CGGBP1: variants seen among roughly 807,000 people sequenced by gnomAD.
CGGBP1 encodes the protein CGG triplet repeat-binding protein 1.
In CGGBP1, 4 loss-of-function variants were observed where a neutral mutation model predicts 11.4. The ratio of observed to expected loss-of-function variants is 0.35; its 90% confidence interval spans 0.17 to 0.80. The LOEUF is 0.80. Among genes scored for constraint, CGGBP1 ranks in the 30% least tolerant of loss-of-function variants. CGGBP1 has a pLI of 0.52. For synonymous variants in CGGBP1, 76 were observed against 74.1 expected, an observed-to-expected ratio of 1.03 and a Z score of -0.13; for missense variants, 135 against 202.1, an observed-to-expected ratio of 0.67 and a Z score of 2.01.
In CGGBP1 at chr3:88,135,429, C is replaced by G. The variant is rs1392700075; in HGVS notation, c.-229+5541G>C. 3 of 324,236 alleles carry G rather than the reference C, an allele frequency of 9.3e-6. No individual in the cohort carries two copies. In the East Asian group the frequency reaches 1.4e-4, roughly 15 times the overall value. 20.1% of individuals were successfully genotyped at this position (324,236 alleles called of 1,614,324 possible). A position where few individuals can be genotyped will look rare whatever the true frequency, so the allele number is the denominator to read the frequency against. Reference sequence around the variant, plus strand: ...AACATGGAAGCAATTGCTTCCATTACAACCTTTTTTCTTATAATTAAATAT... The same window carrying G: ...AACATGGAAGCAATTGCTTCCATTAGAACCTTTTTTCTTATAATTAAATAT... On this transcript the variant is annotated intron_variant, in intron 2 of 3. Transcript: ENST00000462901.
At chr3:88,120,820 T>G (rs1480564495) in intron 2 of CGGBP1, among the ~76,000 whole-genome samples, 1 of 151,998 alleles carries the variant, frequency 6.6e-6, no homozygotes, top group African/African-American at 2.4e-5. Context: ...TTAGTGTGAT[T>G]ATAGCGTATT....
chr3:88,063,433 T>C (rs541995669), upstream of CGGBP1, among the ~76,000 whole-genome samples: 247 of 152,292 alleles, frequency 1.6e-3, no homozygotes, highest in Middle Eastern at 0.017. Context: ...GTTTGTCCCA[T>C]GGTATTATAA....
intron 2 of CGGBP1, chr3:88,139,108 A>G: frequency 7.9e-7 from 1 of 1,267,264 alleles, no homozygotes; most frequent in Non-Finnish European, 9.9e-7. Context: ...AGCACACTGG[A>G]AAATAATGCA....
At chr3:88,059,223 A>C, upstream of CGGBP1, 1 of 1,489,092 alleles carries the variant, frequency 6.7e-7, no homozygotes, top group Non-Finnish European at 8.9e-7. Flanking sequence ...GGAGGAGGGA[A>C]GGGGGAGGGA....
chr3:88,058,122 C>T lies in CGGBP1; in HGVS notation c.-229G>A, dbSNP rs568375076. ...CCTGGCACTTTCCGTTTGTTCAACC[C>T]CGGAGATGCCTTCAAATCAGTTTTT... On this transcript the variant is annotated 5_prime_UTR_variant, in exon 2 of 4. Coordinates refer to ENST00000482016, the MANE Select transcript of CGGBP1 (RefSeq NM_001008390.2). The T allele has an allele frequency of 3.7e-4, 57 of 152,304 alleles. 1 individual carries two copies. The highest frequency in any genetic ancestry group is 2.6e-3 in the Admixed American group (40 of 15,296). The allele number at this position is 152,304 out of a possible 1,614,324, so 9.4% of individuals were successfully genotyped here. A position where few individuals can be genotyped will look rare whatever the true frequency, so the allele number is the denominator to read the frequency against.
Position 88,055,539 on chromosome 3 carries a change from T to C in CGGBP1, c.438A>G (p.Leu146=), listed in dbSNP as rs766185740. 4.4e-6 allele frequency: 7 copies of C among 1,584,420 alleles called. No homozygotes were observed. In the Admixed American group the frequency reaches 6.9e-5, roughly 16 times the overall value. ...ATCCATCAGGAAGATATGCCCTCCG[T>C]AGCTGGTCTGACTTAGGTATGGAGC... ...NGGSIPKSDQ[L]RRAYLPDGYE... Residue 146 remains leucine, a synonymous_variant, in exon 4 of 4, where the codon CTA becomes CTG. Coordinates refer to ENST00000482016, the MANE Select transcript of CGGBP1 (RefSeq NM_001008390.2). This position sits in a 1 kb window ranked among gnomAD's most constrained non-coding sequence, Gnocchi z 4.2.
chr3:88,120,790 A>G (rs1705721701), intron 2 of CGGBP1, among the ~76,000 whole-genome samples: 2 of 120,208 alleles, frequency 1.7e-5, no homozygotes, highest in African/African-American at 5.6e-5. Flanking sequence ...TTTAAATTCA[A>G]CAGTATAAAG....
intron 2 of CGGBP1, among the ~76,000 whole-genome samples, chr3:88,103,850 T>G (rs534311561): frequency 6.8e-6 from 1 of 147,996 alleles, no homozygotes; most frequent in South Asian, 2.2e-4. Context: ...CACTGCAACC[T>G]CTGCCTCTCG....
At chr3:88,134,335 T>C (rs1303722727) in intron 2 of CGGBP1, among the ~76,000 whole-genome samples, 2 of 152,102 alleles carry the variant, frequency 1.3e-5, no homozygotes, top group Admixed American at 1.3e-4. Context: ...TTTTCATTAA[T>C]TATTTTAATA....
intron 2 of CGGBP1, among the ~76,000 whole-genome samples, chr3:88,075,357 T>G (rs1209267468): frequency 6.6e-6 from 1 of 152,236 alleles, no homozygotes; most frequent in Non-Finnish European, 1.5e-5. Flanking sequence ...CAAGGCATTT[T>G]TAGTCTTGTG....
upstream of CGGBP1, chr3:88,059,245 G>A: frequency 6.6e-7 from 1 of 1,526,256 alleles, no homozygotes; most frequent in South Asian, 1.2e-5. Flanking sequence ...CTAGAGAGGA[G>A]GAGGAGGTTA....
chr3:88,101,427 A>T (rs932176180), intron 2 of CGGBP1, among the ~76,000 whole-genome samples: 5 of 152,224 alleles, frequency 3.3e-5, no homozygotes, highest in African/African-American at 9.7e-5. Flanking sequence ...ATTTAAAAAT[A>T]GTCTTGCGAA....
At chr3:88,093,536 T>C in intron 2 of CGGBP1, among the ~76,000 whole-genome samples, 1 of 152,174 alleles carries the variant, frequency 6.6e-6, no homozygotes, top group East Asian at 1.9e-4. Context: ...AAATGGTGTA[T>C]TGGCAAGCTG....
intron 3 of CGGBP1, 53 bp downstream of exon 3, chr3:88,057,138 A>C (rs781415813): frequency 6.6e-6 from 1 of 152,202 alleles, no homozygotes; most frequent in Non-Finnish European, 1.5e-5. Context: ...GCTCTGAAGA[A>C]TTATGTCTCA....
chr3:88,149,297 T>C lies in CGGBP1; in HGVS notation c.-338+414A>G, dbSNP rs73844896. ...AGGGGAAAAGGCTAAGGAGCTTGCT[T>C]ACAGTCAGGGTAAATGGCGGAGTAA... is the stretch of plus-strand genomic sequence containing the variant. On this transcript the variant is annotated intron_variant, in intron 1 of 3. Transcript: ENST00000462901. Among the ~76,000 whole-genome samples the C allele has an allele frequency of 3.0e-3, 461 of 152,178 alleles. 3 individuals are homozygous for C. Among genetic ancestry groups the C allele is most frequent in the African/African-American group, 0.011 (443 of 41,524 alleles).
chr3:88,113,053 T>C, intron 2 of CGGBP1: 1 of 1,174,698 alleles, frequency 8.5e-7, no homozygotes, highest in South Asian at 1.4e-5. Context: ...TACTGTTTGA[T>C]AATCTTTTAA....
At chr3:88,068,291 G>C (rs1707315375) in intron 2 of CGGBP1, among the ~76,000 whole-genome samples, 1 of 152,054 alleles carries the variant, frequency 6.6e-6, no homozygotes, top group African/African-American at 2.4e-5. Flanking sequence ...TGATAAATCA[G>C]TTAATTAACT....
Position 88,052,055 on chromosome 3 carries a change from CA to C in CGGBP1, c.*3417del, listed in dbSNP as rs1553688945. On this transcript the variant is annotated 3_prime_UTR_variant, in exon 4 of 4. Coordinates refer to ENST00000482016, the MANE Select transcript of CGGBP1 (RefSeq NM_001008390.2). The stretch of plus-strand genomic sequence containing the variant: ...GAAATTTATTTCTAAAAGTCAGAGA[CA>C]AAACTTTAGAAGTGACACATTTATA... The C allele has an allele frequency of 6.6e-6, 1 of 152,316 alleles. No individual in the cohort carries two copies. The highest frequency in any genetic ancestry group is 1.5e-5 in the Non-Finnish European group (1 of 67,986). 9.4% of individuals were successfully genotyped at this position (152,316 alleles called of 1,614,324 possible). A position where few individuals can be genotyped will look rare whatever the true frequency, so the allele number is the denominator to read the frequency against.
intron 2 of CGGBP1, among the ~76,000 whole-genome samples, chr3:88,066,328 CT>C (rs1209084170): frequency 6.6e-6 from 1 of 152,058 alleles, no homozygotes; most frequent in African/African-American, 2.4e-5. Context: ...AATTCCAGCA[CT>C]TTGGGAGTCC....
Sources: gnomAD v4.1 joint callset for allele counts (sites outside exome capture counted in the v4.1 genomes callset) on GRCh38, gnomAD v4.1.1 for gene constraint, Gnocchi (gnomAD v3.1) non-coding constraint, MANE v1.5 for transcripts, NCBI Gene and HGNC (gene_info 2026-07-23, HGNC 2026-07-21) for gene names.